The following ARID5A variants were observed in gnomAD, a reference collection of about 807,000 sequenced individuals.
The protein encoded by ARID5A is AT-rich interactive domain-containing protein 5A.
Under a neutral mutation model 30.5 loss-of-function variants are expected in ARID5A, and 14 were observed. The observed-to-expected ratio is 0.46, with a 90% CI of 0.30 to 0.72. The LOEUF (loss-of-function observed/expected upper bound fraction) is 0.72, where lower values mean the gene tolerates loss of function less well. Ranked by LOEUF, ARID5A falls within the 30% of genes least tolerant of loss-of-function variation. ARID5A has a pLI of 0.07. For missense variants in ARID5A, 669 were observed against 786.2 expected (o/e 0.85, Z 1.78); for synonymous variants, 338 against 340.4 (o/e 0.99, Z 0.08).
At chr2:96,542,150 G>A (rs113899902) in intron 1 of ARID5A, among the ~76,000 whole-genome samples, 1,959 of 152,296 alleles carry the variant, frequency 0.013, 17 homozygotes, top group Middle Eastern at 0.044. Flanking sequence ...GAATGATCAG[G>A]GAAAGGGAGG....
chr2:96,539,345 C>T lies in ARID5A; in HGVS notation c.4+2515C>T, dbSNP rs1050542694. Among the ~76,000 whole-genome samples, 60 of 152,326 alleles carry T rather than the reference C, an allele frequency of 3.9e-4. No individual in the cohort carries two copies. Among genetic ancestry groups the T allele is most frequent in the African/African-American group, 1.4e-3 (59 of 41,574 alleles). On this transcript the variant is annotated intron_variant, in intron 1 of 6. Coordinates refer to ENST00000357485, the MANE Select transcript of ARID5A (RefSeq NM_212481.3). The surrounding 1 kb of genome is among the most constrained non-coding windows in gnomAD (Gnocchi z 4.7). ...CTTGATGTCTGGCAGGGCAGGGGCC[C>T]ACTGACTTCCCCGCATCCACCCACT...
Position 96,551,658 on chromosome 2 carries a change from A to G in ARID5A, c.1130A>G (p.Lys377Arg). The change falls in exon 7 of 7, where the codon AAA (lysine) becomes AGA (arginine). Residue 377 changes from lysine to arginine, a missense_variant. This residue lies in a region of ARID5A where 548 missense variants were observed against 577.4 expected (regional missense o/e 0.95). Transcript: ENST00000357485. The stretch of plus-strand genomic sequence containing the variant: ...GGGGTGCTATTGGGGCCTCCTGGCA[A>G]AGAGGGGCTGTCAGTGAAAGAGCCC... Reference protein sequence around the residue: ...KDGVLLGPPGKEGLSVKEPQL... With the variant: ...KDGVLLGPPGREGLSVKEPQL... 1 of 1,524,066 alleles carries G rather than the reference A, an allele frequency of 6.6e-7. No individual in the cohort carries two copies. Among genetic ancestry groups the G allele is most frequent in the South Asian group, 1.3e-5 (1 of 76,012 alleles). 94.4% of individuals were successfully genotyped at this position (1,524,066 alleles called of 1,614,324 possible). A position where few individuals can be genotyped will look rare whatever the true frequency, so the allele number is the denominator to read the frequency against.
chr2:96,550,858 G>A lies in ARID5A; in HGVS notation c.570+125G>A. 4.4e-6 allele frequency: 6 copies of A among 1,376,806 alleles called. No individual in the cohort carries two copies. Among genetic ancestry groups the A allele is most frequent in the Non-Finnish European group, 4.8e-6 (5 of 1,038,420 alleles). The allele number at this position is 1,376,806 out of a possible 1,614,324, so 85.3% of individuals were successfully genotyped here. A position where few individuals can be genotyped will look rare whatever the true frequency, so the allele number is the denominator to read the frequency against. On this transcript the variant is annotated intron_variant, in intron 6 of 6. Transcript: ENST00000357485. The surrounding 1 kb of genome is among the most constrained non-coding windows in gnomAD (Gnocchi z 6.6). ...AGAACCTGCACCCAGGGCGGGACTT[G>A]CAAGGTTCCAGGTTCTCCACAGATG...
intron 1 of ARID5A, chr2:96,538,096 G>A (rs945870373): frequency 1.0e-6 from 1 of 985,404 alleles, no homozygotes; most frequent in East Asian, 1.1e-4. Flanking sequence ...CCCGCCTGGG[G>A]CCTAGAACTT....
Position 96,551,395 on chromosome 2 carries a change from C to T in ARID5A, c.867C>T (p.Ser289=). 6.2e-7 allele frequency: 1 copy of T among 1,609,008 alleles called. No homozygotes were observed. Among genetic ancestry groups the T allele is most frequent in the Non-Finnish European group, 8.5e-7 (1 of 1,178,462 alleles). ...GCCATGGGGCAGAGCCCCAGGCGTC[C>T]CCAGCTGTTCACCTCCCAGAGAGTC... ...GCRHGAEPQA[S]PAVHLPESPQ... The change falls in exon 7 of 7, where the codon TCC becomes TCT. Residue 289 remains serine, a synonymous_variant. Coordinates refer to ENST00000357485, the MANE Select transcript of ARID5A (RefSeq NM_212481.3).
intron 1 of ARID5A, chr2:96,538,266 G>T: frequency 2.0e-6 from 2 of 985,510 alleles, no homozygotes; most frequent in Non-Finnish European, 2.4e-6. Context: ...CCCAGACTCC[G>T]TGGGGAGGGA....
At position 96,552,534 on chromosome 2, in the gene ARID5A, G is replaced by T. The variant is rs2066075871; in HGVS notation, c.*221G>T. 11 of 1,531,064 alleles carry T rather than the reference G, an allele frequency of 7.2e-6. No homozygotes were observed. Among genetic ancestry groups the T allele is most frequent in the Non-Finnish European group, 9.6e-6 (11 of 1,144,152 alleles). 94.8% of individuals were successfully genotyped at this position (1,531,064 alleles called of 1,614,324 possible). A position where few individuals can be genotyped will look rare whatever the true frequency, so the allele number is the denominator to read the frequency against. On this transcript the variant is annotated 3_prime_UTR_variant, in exon 7 of 7. Coordinates refer to ENST00000357485, the MANE Select transcript of ARID5A (RefSeq NM_212481.3). ...GAGCAGAGGACCCAGTTGTTATAAG[G>T]CGCTGGGAGAGGATGGGCAGCTCCC...
In ARID5A at chr2:96,549,325, C is replaced by A; in HGVS notation, c.125C>A (p.Ser42Tyr). 2 of 1,612,938 alleles carry A rather than the reference C, an allele frequency of 1.2e-6. No homozygotes were observed. Among genetic ancestry groups the A allele is most frequent in the Non-Finnish European group, 1.7e-6 (2 of 1,179,762 alleles). ...GIQNPISLED[S>Y]PEAGGEREEE... Reference sequence around the variant, plus strand: ...TGCCTCCTGTTCTCTCCCCAGGACTCCCCCGAGGCAGGCGGGGAGCGGGAG... The same window carrying A: ...TGCCTCCTGTTCTCTCCCCAGGACTACCCCGAGGCAGGCGGGGAGCGGGAG... The change falls in exon 3 of 7, where the codon TCC becomes TAC. Residue 42 changes from serine to tyrosine, a missense_variant. Physicochemically the swap from Ser to Tyr is moderately radical, Grantham distance 144. This residue lies in a region of ARID5A where 56 missense variants were observed against 72.8 expected (regional missense o/e 0.77). Transcript: ENST00000357485. The surrounding 1 kb of genome is among the most constrained non-coding windows in gnomAD (Gnocchi z 6.1).
rs61748139 is a variant in ARID5A at position 96,549,364 on chromosome 2, G to C, written c.164G>C (p.Arg55Pro). Reference sequence around the variant, plus strand: ...GGGGAGCGGGAGGAGGAGCAGGAGCGGGAGGAGGAGCAGGCCTTCCTGGTC... The same window carrying C: ...GGGGAGCGGGAGGAGGAGCAGGAGCCGGAGGAGGAGCAGGCCTTCCTGGTC... ...AGGEREEEQEREEEQAFLVSL... is the reference protein window; with the variant it reads ...AGGEREEEQEPEEEQAFLVSL... Residue 55 changes from arginine (R) to proline (P), a missense_variant, in exon 3 of 7, where the codon CGG becomes CCG. By Grantham distance (103) the Arg-to-Pro change is moderately radical. This residue lies in a region of ARID5A where 56 missense variants were observed against 72.8 expected (regional missense o/e 0.77). Coordinates refer to ENST00000357485, the MANE Select transcript of ARID5A (RefSeq NM_212481.3). The surrounding 1 kb of genome is among the most constrained non-coding windows in gnomAD (Gnocchi z 6.1). 6.2e-7 allele frequency: 1 copy of C among 1,613,756 alleles called. No homozygotes were observed.
At chr2:96,543,904 C>T (rs1468573344) in intron 1 of ARID5A, among the ~76,000 whole-genome samples, 1 of 152,120 alleles carries the variant, frequency 6.6e-6, no homozygotes, top group African/African-American at 2.4e-5. Flanking sequence ...GTTGTGAATG[C>T]CAAGGAAAAG....
rs1456148050 is a variant in ARID5A, at chr2:96,550,789, C to A, written c.570+56C>A. The stretch of plus-strand genomic sequence containing the variant: ...TCCCTTGCCTCTTGTAGCCCCCTAC[C>A]CCACAACTCCCTGTGGCCGCGGAGC... On this transcript the variant is annotated intron_variant, in intron 6 of 6. Coordinates refer to ENST00000357485, the MANE Select transcript of ARID5A (RefSeq NM_212481.3). The surrounding 1 kb of genome is among the most constrained non-coding windows in gnomAD (Gnocchi z 6.6). The A allele has an allele frequency of 2.0e-6, 3 of 1,487,420 alleles. No homozygotes were observed. The highest frequency in any genetic ancestry group is 5.0e-5 in the East Asian group (2 of 40,382). The allele number at this position is 1,487,420 out of a possible 1,614,324, so 92.1% of individuals were successfully genotyped here.
chr2:96,541,258 G>T (rs925120160), intron 1 of ARID5A, among the ~76,000 whole-genome samples: 1 of 151,936 alleles, frequency 6.6e-6, no homozygotes, highest in East Asian at 1.9e-4. Context: ...GGATGGTCTC[G>T]ATCTCTTGAC....
At chr2:96,546,130 C>CT (rs1209713740) in intron 1 of ARID5A, among the ~76,000 whole-genome samples, 1 of 152,192 alleles carries the variant, frequency 6.6e-6, no homozygotes, top group Non-Finnish European at 1.5e-5. Flanking sequence ...GCCAAGGATT[C>CT]TACCCTGTGC....
In ARID5A at chr2:96,537,976, G is replaced by A; in HGVS notation, c.4+1146G>A. On this transcript the variant is annotated intron_variant, in intron 1 of 6. Coordinates refer to ENST00000357485, the MANE Select transcript of ARID5A (RefSeq NM_212481.3). This position sits in a 1 kb window ranked among gnomAD's most constrained non-coding sequence, Gnocchi z 4.8. ...CCTCTGGTGGGAGCCCACACGCACG[G>A]TGGCGTCACTGCGCCTACAGGCAAC... The A allele has an allele frequency of 2.0e-6, 2 of 985,536 alleles. No homozygotes were observed. Among genetic ancestry groups the A allele is most frequent in the Non-Finnish European group, 2.4e-6 (2 of 829,996 alleles). The allele number at this position is 985,536 out of a possible 1,614,324, so 61.0% of individuals were successfully genotyped here.
rs116169733 is a variant in ARID5A at position 96,541,780 on chromosome 2, C to T, written c.4+4950C>T. 6.8e-3 allele frequency among the ~76,000 whole-genome samples: 1,030 copies of T among 152,356 alleles called. 10 individuals carry two copies. Among genetic ancestry groups the T allele is most frequent in the Non-Finnish European group, 0.012 (835 of 68,022 alleles). ...GTTTTCTTTTTTGCATTTGATCCCC[C>T]ACTTCTGTTACAAATAAAACATGTA... On this transcript the variant is annotated intron_variant, in intron 1 of 6. Transcript: ENST00000357485.
In ARID5A at chr2:96,549,085, C is replaced by G. The variant is rs2065979225; in HGVS notation, c.121-236C>G. ...CTCTGGAGCCAGCTGCTCTGGGGTA[C>G]CCAGCCTCCGGGGAGGTCCTGGACT... On this transcript the variant is annotated intron_variant, in intron 2 of 6. Coordinates refer to ENST00000357485, the MANE Select transcript of ARID5A (RefSeq NM_212481.3). The surrounding 1 kb of genome is among the most constrained non-coding windows in gnomAD (Gnocchi z 6.1). 6.6e-6 allele frequency among the ~76,000 whole-genome samples: 1 copy of G among 152,182 alleles called. No homozygotes were observed. The highest frequency in any genetic ancestry group is 1.5e-5 in the Non-Finnish European group (1 of 68,018).
chr2:96,539,009 G>A lies in ARID5A; in HGVS notation c.4+2179G>A, dbSNP rs1315997719. On this transcript the variant is annotated intron_variant, in intron 1 of 6. Coordinates refer to ENST00000357485, the MANE Select transcript of ARID5A (RefSeq NM_212481.3). This position sits in a 1 kb window ranked among gnomAD's most constrained non-coding sequence, Gnocchi z 4.7. ...CAACAGGGGTCTGTAAGTCCATTGC[G>A]CTCATCCTGCACCCAGGAGGCTGAT... Among the ~76,000 whole-genome samples, 3 of 152,158 alleles carry A rather than the reference G, an allele frequency of 2.0e-5. No individual in the cohort carries two copies. The highest frequency in any genetic ancestry group is 1.9e-4 in the East Asian group (1 of 5,196).
chr2:96,551,716 T>C lies in ARID5A; in HGVS notation c.1188T>C (p.Pro396=). Residue 396 remains proline, a synonymous_variant, in exon 7 of 7, where the codon CCT becomes CCC. Transcript: ENST00000357485. ...QLVWGGDANR[P]SAFHKGGSRK... ...TGTGGGGCGGAGACGCTAACCGCCC[T>C]TCTGCGTTCCATAAAGGTGGCTCCA... 1 of 1,519,098 alleles carries C rather than the reference T, an allele frequency of 6.6e-7. No individual in the cohort carries two copies. The highest frequency in any genetic ancestry group is 8.8e-7 in the Non-Finnish European group (1 of 1,135,674). 94.1% of individuals were successfully genotyped at this position (1,519,098 alleles called of 1,614,324 possible).
chr2:96,550,738 G>T lies in ARID5A; in HGVS notation c.570+5G>T. The T allele has an allele frequency of 6.4e-7, 1 of 1,554,052 alleles. No homozygotes were observed. Among genetic ancestry groups the T allele is most frequent in the Non-Finnish European group, 8.7e-7 (1 of 1,150,510 alleles). Reference sequence around the variant, plus strand: ...GAGGAGCGGCGCATGGACCAGGTAGGCCTGCGGCTGGCTGGGGCCACCCTG... The same window carrying T: ...GAGGAGCGGCGCATGGACCAGGTAGTCCTGCGGCTGGCTGGGGCCACCCTG... On this transcript the variant is annotated splice_donor_5th_base_variant and intron_variant, in intron 6 of 6. Transcript: ENST00000357485. The surrounding 1 kb of genome is among the most constrained non-coding windows in gnomAD (Gnocchi z 6.6).
Sources: gnomAD v4.1 joint callset for allele counts (sites outside exome capture counted in the v4.1 genomes callset) on GRCh38, gnomAD v4.1.1 for gene constraint, gnomAD v4.1.1 regional missense constraint, Gnocchi (gnomAD v3.1) non-coding constraint, MANE v1.5 for transcripts, NCBI Gene and HGNC (gene_info 2026-07-23, HGNC 2026-07-21) for gene names.